Variants in DLG2 observed in about 807,000 individuals in gnomAD.
DLG2 encodes discs large MAGUK scaffold protein 2.
DLG2 carries 45 observed loss-of-function variants against 132.5 expected under a neutral mutation model. The observed-to-expected ratio is 0.34, with a 90% CI of 0.27 to 0.44. The LOEUF is 0.44. Ranked by LOEUF, DLG2 falls within the 20% of genes least tolerant of loss-of-function variation. The probability of loss-of-function intolerance (pLI) is 1.00; values close to 1 mark genes in which losing one functional copy is unlikely to be tolerated. For synonymous variants in DLG2, 424 were observed against 419.6 expected (o/e 1.01, Z -0.13); for missense variants, 1,045 against 1,196.9 (o/e 0.87, Z 1.87).
intron 6 of DLG2, among the ~76,000 whole-genome samples, chr11:84,650,867 GTGTGTGTATATATATA>G (rs1671070667): frequency 1.0e-5 from 1 of 95,688 alleles, no homozygotes; most frequent in African/African-American, 5.1e-5. Context: ...GTGTGTGTGT[GTGTGTGTATATATATA>G]TATATATATA....
At chr11:84,543,836 T>C (rs1306378475) in intron 6 of DLG2, among the ~76,000 whole-genome samples, 3 of 152,136 alleles carry the variant, frequency 2.0e-5, no homozygotes, top group African/African-American at 7.2e-5. Context: ...AACTCAAAAG[T>C]GAAAGGAAAT....
chr11:84,641,416 T>C (rs942146434), intron 6 of DLG2, among the ~76,000 whole-genome samples: 7 of 152,222 alleles, frequency 4.6e-5, no homozygotes, highest in Admixed American at 2.0e-4. Flanking sequence ...CCTTCTCAGT[T>C]GCCCTTCACT....
In DLG2 at chr11:85,017,187, T is replaced by A. The variant is rs143186416; in HGVS notation, c.357+94474A>T. On this transcript the variant is annotated intron_variant, in intron 6 of 27. Transcript: ENST00000376104. ...GACATCTTCCTCTTTCCTAAATCTT[T>A]TCCTTCAGCCTGTAAATATGGTCAA... 4.4e-4 allele frequency among the ~76,000 whole-genome samples: 67 copies of A among 152,254 alleles called. 2 individuals carry two copies. Among genetic ancestry groups the A allele is most frequent in the African/African-American group, 1.4e-3 (60 of 41,548 alleles).
chr11:84,032,702 G>A (rs998445646), intron 11 of DLG2, among the ~76,000 whole-genome samples: 1 of 152,188 alleles, frequency 6.6e-6, no homozygotes, highest in Non-Finnish European at 1.5e-5. Flanking sequence ...GGAAGAAGAT[G>A]ACATTTAGGA....
At chr11:85,385,421 C>T (rs2086245475) in intron 3 of DLG2, among the ~76,000 whole-genome samples, 1 of 151,930 alleles carries the variant, frequency 6.6e-6, no homozygotes, top group Non-Finnish European at 1.5e-5. Context: ...TATTTCTTCC[C>T]AAGTTTTATA....
intron 3 of DLG2, among the ~76,000 whole-genome samples, chr11:85,483,283 A>T (rs1373538446): frequency 6.6e-6 from 1 of 152,232 alleles, no homozygotes; most frequent in African/African-American, 2.4e-5. Flanking sequence ...GGGACGTTAC[A>T]GGCCAAGAGA....
chr11:84,801,069 GGCC>G (rs1278996205), intron 6 of DLG2, among the ~76,000 whole-genome samples: 2 of 152,086 alleles, frequency 1.3e-5, no homozygotes, highest in Non-Finnish European at 2.9e-5. Context: ...CCAAGCATGA[GGCC>G]AGGAATAGGA....
intron 5 of DLG2, among the ~76,000 whole-genome samples, chr11:85,116,601 T>A (rs1006306662): frequency 6.6e-6 from 1 of 151,920 alleles, no homozygotes; most frequent in East Asian, 1.9e-4. Flanking sequence ...CATAAAGACA[T>A]GTAATTTCAG....
At chr11:84,982,564 C>T (rs1289921492) in intron 6 of DLG2, among the ~76,000 whole-genome samples, 1 of 152,132 alleles carries the variant, frequency 6.6e-6, no homozygotes, top group East Asian at 1.9e-4. Context: ...AAACTACCAC[C>T]TATAACTCAT....
At chr11:84,707,993 A>T (rs1445153114) in intron 6 of DLG2, among the ~76,000 whole-genome samples, 3 of 151,806 alleles carry the variant, frequency 2.0e-5, no homozygotes, top group Middle Eastern at 3.2e-3. Context: ...CCTGGGCTTA[A>T]ACCCAAGTGC....
At chr11:84,119,466 A>G (rs1566584842) in intron 9 of DLG2, among the ~76,000 whole-genome samples, 1 of 151,216 alleles carries the variant, frequency 6.6e-6, no homozygotes, top group Non-Finnish European at 1.5e-5. Context: ...ATATAAATAT[A>G]TATCATATAT....
At chr11:85,080,571 G>A (rs1223859384) in intron 6 of DLG2, among the ~76,000 whole-genome samples, 1 of 152,024 alleles carries the variant, frequency 6.6e-6, no homozygotes, top group Admixed American at 6.6e-5. Flanking sequence ...TCTTCTCCCA[G>A]GTCTGAAGAT....
intron 3 of DLG2, among the ~76,000 whole-genome samples, chr11:85,377,667 G>T (rs1247306368): frequency 1.3e-5 from 2 of 151,584 alleles, no homozygotes; most frequent in African/African-American, 4.8e-5. Context: ...TTAATAATTG[G>T]ACTCAAGCCC....
intron 24 of DLG2, among the ~76,000 whole-genome samples, chr11:83,470,316 T>C (rs1022638074): frequency 9.9e-5 from 15 of 152,098 alleles, no homozygotes; most frequent in Non-Finnish European, 1.0e-4. Flanking sequence ...AAAAAATGCA[T>C]GCATAGAAAG....
intron 6 of DLG2, among the ~76,000 whole-genome samples, chr11:85,058,543 C>T (rs1325655709): frequency 6.6e-6 from 1 of 151,242 alleles, no homozygotes; most frequent in Non-Finnish European, 1.5e-5. Flanking sequence ...AAGTTGATTC[C>T]GAAATGTATA....
chr11:84,635,152 G>GA (rs2099638520), intron 6 of DLG2, among the ~76,000 whole-genome samples: 1 of 152,218 alleles, frequency 6.6e-6, no homozygotes, highest in Non-Finnish European at 1.5e-5. Context: ...CAGGCAGCGG[G>GA]AATTTCAGAC....
At chr11:85,054,925 G>T (rs1270479877) in intron 6 of DLG2, among the ~76,000 whole-genome samples, 1 of 152,108 alleles carries the variant, frequency 6.6e-6, no homozygotes, top group Non-Finnish European at 1.5e-5. Context: ...CAGTACTGGG[G>T]TGATGGAATC....
intron 7 of DLG2, among the ~76,000 whole-genome samples, chr11:84,524,625 G>A (rs1342537459): frequency 6.6e-6 from 1 of 152,068 alleles, no homozygotes; most frequent in African/African-American, 2.4e-5. Flanking sequence ...GATGCTTCCA[G>A]GATGATCATC....
chr11:84,098,035 C>CTT (rs35298703), intron 10 of DLG2, among the ~76,000 whole-genome samples: 83,036 of 121,758 alleles, frequency 0.68, 27,908 homozygotes, highest in Middle Eastern at 0.82. Flanking sequence ...CACCATGTGC[C>CTT]TTTTTTTTTT....
Sources: gnomAD v4.1 joint callset for allele counts (sites outside exome capture counted in the v4.1 genomes callset) on GRCh38, gnomAD v4.1.1 for gene constraint, MANE v1.5 for transcripts, NCBI Gene and HGNC (gene_info 2026-07-23, HGNC 2026-07-21) for gene names.